Variants in DCBLD1 observed in about 807,000 individuals in gnomAD.
The protein encoded by DCBLD1 is discoidin, CUB and LCCL domain containing 1, also known as discoidin, CUB and LCCL domain-containing protein 1.
In DCBLD1, 57 loss-of-function variants were observed where a neutral mutation model predicts 71.5. The ratio of observed to expected loss-of-function variants is 0.80; its 90% CI spans 0.64 to 0.99. DCBLD1 has a LOEUF of 0.99. Among genes scored for constraint, DCBLD1 ranks in the 50% least tolerant of loss-of-function variants. DCBLD1 has a pLI of 0.00. For missense variants in DCBLD1, 891 were observed against 923.5 expected (o/e 0.96, Z 0.46); for synonymous variants, 380 against 363.8 (o/e 1.04, Z -0.51).
intron 4 of DCBLD1, among the ~76,000 whole-genome samples, chr6:117,522,310 G>A (rs949711378): frequency 6.6e-5 from 10 of 152,176 alleles, no homozygotes; most frequent in African/African-American, 2.4e-4. Context: ...CTATGTCCTA[G>A]ATGTCAGTTG....
At chr6:117,501,157 G>C (rs1371916379) in intron 1 of DCBLD1, among the ~76,000 whole-genome samples, 1 of 152,120 alleles carries the variant, frequency 6.6e-6, no homozygotes, top group Non-Finnish European at 1.5e-5. Flanking sequence ...ATTACCCTAG[G>C]ATTGCTTTAT....
intron 14 of DCBLD1, among the ~76,000 whole-genome samples, chr6:117,559,336 G>C (rs184969159): frequency 9.8e-5 from 15 of 152,338 alleles, no homozygotes; most frequent in African/African-American, 3.4e-4. Context: ...GACCCAAGGT[G>C]AATGAAAGGA....
intron 14 of DCBLD1, among the ~76,000 whole-genome samples, chr6:117,568,998 G>A (rs1264692458): frequency 8.5e-5 from 13 of 152,132 alleles, no homozygotes; most frequent in African/African-American, 3.1e-4. Context: ...AACATTTTAA[G>A]TACAACTGTA....
At chr6:117,542,001 A>G (rs1779111307) in intron 11 of DCBLD1, among the ~76,000 whole-genome samples, 1 of 152,204 alleles carries the variant, frequency 6.6e-6, no homozygotes, top group African/African-American at 2.4e-5. Context: ...ACTCTTAAAA[A>G]TAACACCGCT....
chr6:117,536,755 G>A (rs1346903968), intron 6 of DCBLD1, among the ~76,000 whole-genome samples: 1 of 152,178 alleles, frequency 6.6e-6, no homozygotes, highest in South Asian at 2.1e-4. Context: ...GACACTTTAA[G>A]GTGACTGCTG....
chr6:117,566,372 A>T (rs1779696727), intron 14 of DCBLD1, among the ~76,000 whole-genome samples: 1 of 152,188 alleles, frequency 6.6e-6, no homozygotes, highest in Non-Finnish European at 1.5e-5. Context: ...TCCTTAAAAT[A>T]TGTCTAAATG....
At chr6:117,539,024 G>A in intron 8 of DCBLD1, 189 bp downstream of exon 8, 1 of 711,312 alleles carries the variant, frequency 1.4e-6, no homozygotes, top group Non-Finnish European at 2.3e-6. Flanking sequence ...TTGTAAATAT[G>A]GATATATGGA....
At chr6:117,552,114 T>A (rs1173124469), downstream of DCBLD1, among the ~76,000 whole-genome samples, 1 of 152,118 alleles carries the variant, frequency 6.6e-6, no homozygotes, top group African/African-American at 2.4e-5. Context: ...AGCAAGACCA[T>A]GTTTTTGTTG....
Position 117,548,013 on chromosome 6 carries a change from C to T in DCBLD1, c.1722C>T (p.Ala574=). 1.9e-6 allele frequency: 3 copies of T among 1,550,402 alleles called. No homozygotes were observed. The highest frequency in any genetic ancestry group is 1.4e-5 in the African/African-American group (1 of 73,170). The change falls in exon 15 of 15, where the codon GCC becomes GCT. Residue 574 remains alanine (A), a synonymous_variant. Coordinates refer to ENST00000338728, the MANE Select transcript of DCBLD1 (RefSeq NM_001366458.2). ...DAEEAGVSTD[A]GGHYDCPQRA... is the part of the protein sequence containing the mutation. ...AGGAGGCAGGGGTGAGCACCGATGC[C>T]GGCGGCCACTATGACTGCCCGCAGC...
At position 117,538,780 on chromosome 6, in the gene DCBLD1, C is replaced by A. The variant is rs774418304; in HGVS notation, c.921C>A (p.Asn307Lys). The change falls in exon 8 of 15, where the codon AAC (asparagine) becomes AAA (lysine). Residue 307 changes from asparagine (N) to lysine (K), a missense_variant. Physicochemically the swap from Asn to Lys is moderately conservative, Grantham distance 94. Transcript: ENST00000338728. Reference sequence around the variant, plus strand: ...GGGCTTCGGGCGACAGTAGCAACAACCACAAACCACGAGAGTGGCTGGAGA... The same window carrying A: ...GGGCTTCGGGCGACAGTAGCAACAAACACAAACCACGAGAGTGGCTGGAGA... ...PSWASGDSSN[N>K]HKPREWLEID... 3.1e-6 allele frequency: 5 copies of A among 1,614,070 alleles called. No homozygotes were observed. The highest frequency in any genetic ancestry group is 4.2e-6 in the Non-Finnish European group (5 of 1,180,010).
In DCBLD1 at chr6:117,538,766, G is replaced by T. The variant is rs370868543; in HGVS notation, c.907G>T (p.Asp303Tyr). 2 of 1,614,098 alleles carry T rather than the reference G, an allele frequency of 1.2e-6. No individual in the cohort carries two copies. Among genetic ancestry groups the T allele is most frequent in the East Asian group, 2.2e-5 (1 of 44,880 alleles). The change falls in exon 8 of 15, where the codon GAC becomes TAC. Residue 303 changes from aspartate (D) to tyrosine (Y), a missense_variant. By Grantham distance (160) the Asp-to-Tyr change is radical (BLOSUM62 -3). Coordinates refer to ENST00000338728, the MANE Select transcript of DCBLD1 (RefSeq NM_001366458.2). ...QDQGPSWASG[D>Y]SSNNHKPREW... ...CCAAGGCCCATCATGGGCTTCGGGC[G>T]ACAGTAGCAACAACCACAAACCACG...
chr6:117,485,987 G>A (rs891432012), intron 1 of DCBLD1, among the ~76,000 whole-genome samples: 1 of 152,216 alleles, frequency 6.6e-6, no homozygotes, highest in Non-Finnish European at 1.5e-5. Flanking sequence ...TTTCAGAGAA[G>A]AAAGAGGTTA....
chr6:117,527,427 C>T (rs948497408), intron 5 of DCBLD1, among the ~76,000 whole-genome samples: 4 of 152,070 alleles, frequency 2.6e-5, no homozygotes, highest in Non-Finnish European at 5.9e-5. Context: ...CAAAGCATAT[C>T]CTATAGGTCA....
At chr6:117,555,511 G>C (rs1779484949) in intron 14 of DCBLD1, among the ~76,000 whole-genome samples, 2 of 152,138 alleles carry the variant, frequency 1.3e-5, no homozygotes, top group Admixed American at 1.3e-4. Context: ...GTCACAAAAG[G>C]ACACAAATAT....
At chr6:117,560,155 TAAC>T (rs150198386) in intron 14 of DCBLD1, 5,739 of 158,120 alleles carry the variant, frequency 0.036, 138 homozygotes, top group Non-Finnish European at 0.052. Context: ...TCCTCATAGA[TAAC>T]AACAGCTGGC....
chr6:117,532,294 G>A lies in DCBLD1; in HGVS notation c.620G>A (p.Gly207Glu). The A allele has an allele frequency of 6.2e-7, 1 of 1,613,362 alleles. No homozygotes were observed. The highest frequency in any genetic ancestry group is 8.5e-7 in the Non-Finnish European group (1 of 1,179,832). Residue 207 changes from glycine to glutamate, a missense_variant, in exon 6 of 15, where the codon GGA becomes GAA. Transcript: ENST00000338728. ...SLLCKAAIHA[G>E]IIADELGGQI... Reference sequence around the variant, plus strand: ...TTGTGCAAAGCTGCCATCCATGCAGGAATAATTGCTGATGAACTAGGTGGC... The same window carrying A: ...TTGTGCAAAGCTGCCATCCATGCAGAAATAATTGCTGATGAACTAGGTGGC...
chr6:117,494,147 A>AT (rs565036442), intron 1 of DCBLD1, among the ~76,000 whole-genome samples: 4 of 152,200 alleles, frequency 2.6e-5, no homozygotes, highest in East Asian at 1.9e-4. Flanking sequence ...TCATAATTTT[A>AT]TTTTTTTCCT....
chr6:117,512,907 A>T (rs1778071216), intron 2 of DCBLD1, among the ~76,000 whole-genome samples: 1 of 152,156 alleles, frequency 6.6e-6, no homozygotes, highest in Admixed American at 6.5e-5. Context: ...AATACTACTA[A>T]GGGAAAGAGG....
intron 1 of DCBLD1, among the ~76,000 whole-genome samples, chr6:117,495,706 AT>A (rs1421038542): frequency 1.3e-5 from 2 of 152,218 alleles, no homozygotes; most frequent in African/African-American, 4.8e-5. Flanking sequence ...AAGCCTTCTA[AT>A]AATCTTTTGC....
Sources: gnomAD v4.1 joint callset for allele counts (sites outside exome capture counted in the v4.1 genomes callset) on GRCh38, gnomAD v4.1.1 for gene constraint, MANE v1.5 for transcripts, NCBI Gene and HGNC (gene_info 2026-07-23, HGNC 2026-07-21) for gene names.